CD99L2: variants seen among roughly 807,000 people sequenced by gnomAD.
CD99L2 encodes the protein CD99 molecule like 2, also known as CD99 antigen-like protein 2.
Under a neutral mutation model 27.3 loss-of-function variants are expected in CD99L2, and 24 were observed. The ratio of observed to expected loss-of-function variants is 0.88; its 90% CI spans 0.64 to 1.24. The LOEUF (loss-of-function observed/expected upper bound fraction) is 1.24. CD99L2 is among the 50% of genes most tolerant of loss of function. CD99L2 has a pLI of 0.00. For missense variants in CD99L2, 255 were observed against 221.6 expected, an observed-to-expected ratio of 1.15 and a Z score of -0.96; for synonymous variants, 97 against 87.9, an observed-to-expected ratio of 1.10 and a Z score of -0.58.
intron 1 of CD99L2, among the ~76,000 whole-genome samples, chrX:150,885,619 C>T (rs1263874963): frequency 1.8e-5 from 2 of 112,134 alleles, no homozygotes; most frequent in African/African-American, 3.2e-5. Context: ...ACGTTTACTA[C>T]GAAGAGTATG....
At chrX:150,800,325 T>C (rs1557420048) in intron 4 of CD99L2, among the ~76,000 whole-genome samples, 2 of 111,547 alleles carry the variant, frequency 1.8e-5, no homozygotes, top group Admixed American at 1.9e-4. Context: ...CATAACATTG[T>C]GAATACCGAT....
intron 1 of CD99L2, among the ~76,000 whole-genome samples, chrX:150,837,852 T>C (rs782479774): frequency 8.9e-6 from 1 of 112,481 alleles, no homozygotes; most frequent in South Asian, 3.7e-4. Context: ...CTGTCTCTCA[T>C]GGAGGTGAAG....
intron 7 of CD99L2, among the ~76,000 whole-genome samples, chrX:150,785,576 A>G (rs782222476): frequency 9.0e-6 from 1 of 111,479 alleles, no homozygotes; most frequent in Admixed American, 9.5e-5. Context: ...GATGCACACA[A>G]CTATGAAACC....
At chrX:150,817,450 T>C (rs2046180034) in intron 2 of CD99L2, among the ~76,000 whole-genome samples, 1 of 111,492 alleles carries the variant, frequency 9.0e-6, no homozygotes, top group Non-Finnish European at 1.9e-5. Context: ...ATTAGGTCTT[T>C]TGAGCTCAAC....
Position 150,898,482 on chromosome X carries a change from G to A in CD99L2, c.67+40C>T. ...AGCGACCCCTGGGCCCACAAGGCGG[G>A]GTCCCCGCGCGGTCCCCGCGCGCCC... On this transcript the variant is annotated intron_variant, in intron 1 of 10. Transcript: ENST00000370377. 4 of 1,064,659 alleles carry A rather than the reference G, an allele frequency of 3.8e-6. No individual in the cohort carries two copies. In the South Asian group the frequency reaches 6.6e-5, roughly 18 times the overall value. 87.7% of individuals were successfully genotyped at this position (1,064,659 alleles called of 1,213,427 possible).
At chrX:150,893,978 C>T (rs1358140985) in intron 1 of CD99L2, among the ~76,000 whole-genome samples, 5 of 111,953 alleles carry the variant, frequency 4.5e-5, no homozygotes, top group African/African-American at 1.6e-4. Flanking sequence ...AGCCTCCCAA[C>T]GAGCTGGGTT....
intron 4 of CD99L2, among the ~76,000 whole-genome samples, chrX:150,798,988 C>T (rs2045859591): frequency 8.9e-6 from 1 of 112,308 alleles, no homozygotes; most frequent in African/African-American, 3.2e-5. Context: ...TGGACTTAAG[C>T]CATCCACTTG....
intron 1 of CD99L2, among the ~76,000 whole-genome samples, chrX:150,892,234 T>C (rs191357182): frequency 9.6e-6 from 1 of 104,420 alleles, no homozygotes; most frequent in Non-Finnish European, 2.0e-5. Flanking sequence ...AGGAAAAAAA[T>C]AATAAAAATA....
At chrX:150,848,121 C>T (rs1174389365) in intron 1 of CD99L2, among the ~76,000 whole-genome samples, 2 of 107,765 alleles carry the variant, frequency 1.9e-5, no homozygotes, top group Non-Finnish European at 3.8e-5. Context: ...GCCCCCCCCC[C>T]CTTGTACTAT....
chrX:150,790,878 G>A (rs1292907728), intron 7 of CD99L2, among the ~76,000 whole-genome samples: 2 of 111,789 alleles, frequency 1.8e-5, no homozygotes, highest in Admixed American at 9.5e-5. Context: ...TTTGTATCCC[G>A]TCTCTCAAGG....
chrX:150,780,510 C>T (rs2045492628), intron 7 of CD99L2, among the ~76,000 whole-genome samples: 3 of 111,882 alleles, frequency 2.7e-5, no homozygotes, highest in African/African-American at 9.8e-5. Context: ...ACATGTTCAT[C>T]GCAGTATTCA....
chrX:150,891,442 C>G (rs1262706798), intron 1 of CD99L2, among the ~76,000 whole-genome samples: 4 of 111,947 alleles, frequency 3.6e-5, no homozygotes, highest in Admixed American at 9.5e-5. Context: ...CCAGGCGAGT[C>G]CTTCCCATAT....
chrX:150,829,805 A>T (rs1310727170), intron 2 of CD99L2, among the ~76,000 whole-genome samples: 1 of 111,601 alleles, frequency 9.0e-6, no homozygotes, highest in Non-Finnish European at 1.9e-5. Flanking sequence ...GTTAGAAGGG[A>T]GAAGGGTCAA....
At chrX:150,799,513 C>CA (rs112859570) in intron 4 of CD99L2, among the ~76,000 whole-genome samples, 118 of 75,224 alleles carry the variant, frequency 1.6e-3, no homozygotes, top group Middle Eastern at 7.4e-3. Flanking sequence ...GACCCTGTCT[C>CA]AAAAAAAAAA....
At chrX:150,890,183 T>TAAATAAATAAAC (rs1337021005) in intron 1 of CD99L2, among the ~76,000 whole-genome samples, 1 of 92,200 alleles carries the variant, frequency 1.1e-5, no homozygotes, top group African/African-American at 4.7e-5. Context: ...AATAAATAAA[T>TAAATAAATAAAC]AAACTTGCTT....
In CD99L2 at chrX:150,834,100, G is replaced by A. The variant is rs75710381; in HGVS notation, c.68-2807C>T. Among the ~76,000 whole-genome samples, 1,115 of 111,878 alleles carry A rather than the reference G, an allele frequency of 1.0e-2. 15 individuals carry two copies. Among genetic ancestry groups the A allele is most frequent in the African/African-American group, 0.034 (1,057 of 30,845 alleles). On this transcript the variant is annotated intron_variant, in intron 1 of 10. Transcript: ENST00000370377. ...AAAACAAATAACCCAGTTAAAAATG[G>A]GCAAAGGCAAAGGAGCTTCTCAAAA...
At chrX:150,777,778 C>G (rs2045425337) in intron 7 of CD99L2, among the ~76,000 whole-genome samples, 1 of 111,928 alleles carries the variant, frequency 8.9e-6, no homozygotes, top group South Asian at 3.7e-4. Flanking sequence ...TATTTCACCT[C>G]TTTGCTACCA....
At chrX:150,883,031 G>A (rs964424438) in intron 1 of CD99L2, among the ~76,000 whole-genome samples, 2 of 111,280 alleles carry the variant, frequency 1.8e-5, no homozygotes, top group Non-Finnish European at 3.8e-5. Flanking sequence ...TTAGCTGGGC[G>A]TGGTGGTGCA....
At chrX:150,862,747 A>G (rs2046997274) in intron 1 of CD99L2, among the ~76,000 whole-genome samples, 1 of 111,030 alleles carries the variant, frequency 9.0e-6, no homozygotes, top group African/African-American at 3.3e-5. Context: ...TAGCATGAAC[A>G]TTACATCCCC....
Sources: gnomAD v4.1 joint callset for allele counts (sites outside exome capture counted in the v4.1 genomes callset) on GRCh38, gnomAD v4.1.1 for gene constraint, MANE v1.5 for transcripts, NCBI Gene and HGNC (gene_info 2026-07-23, HGNC 2026-07-21) for gene names.